SYNE2: variants seen among roughly 807,000 people sequenced by gnomAD.
SYNE2 encodes nesprin-2.
In SYNE2, 431 loss-of-function variants were observed where a neutral mutation model predicts 856.3. The observed-to-expected ratio is 0.50, with a 90% CI of 0.47 to 0.55. SYNE2 has a LOEUF of 0.55. Ranked by LOEUF, SYNE2 falls within the 20% of genes least tolerant of loss-of-function variation. The pLI, the probability that SYNE2 is intolerant of heterozygous loss-of-function variation, is 0.00. For missense variants in SYNE2, 8,129 were observed against 8,023.2 expected (o/e 1.01, Z -0.50); for synonymous variants, 2,923 against 2,872.3 (o/e 1.02, Z -0.56).
At chr14:63,879,165 CA>C (rs2140561709) in intron 1 of SYNE2, among the ~76,000 whole-genome samples, 1 of 152,334 alleles carries the variant, frequency 6.6e-6, no homozygotes, top group East Asian at 1.9e-4. Context: ...TGACCTACCC[CA>C]ACCTTGAGTT....
At chr14:63,772,783 CT>C (rs372359731) in intron 1 of SYNE2, among the ~76,000 whole-genome samples, 7 of 148,558 alleles carry the variant, frequency 4.7e-5, no homozygotes, top group African/African-American at 7.4e-5. Flanking sequence ...AGCTACATTA[CT>C]TTTTTTTTTG....
chr14:63,966,428 T>C (rs906206921), intron 10 of SYNE2, among the ~76,000 whole-genome samples: 5 of 151,032 alleles, frequency 3.3e-5, no homozygotes, highest in African/African-American at 1.2e-4. Flanking sequence ...AAGACTGAGG[T>C]GGGAGGTTCA....
At position 64,122,398 on chromosome 14, in the gene SYNE2, C is replaced by T. The variant is rs1268795201; in HGVS notation, c.13393C>T (p.Leu4465Phe). ...LHHELSSKIK[L>F]PLPQLVEPQV... is the part of the protein sequence containing the mutation. ...TCATGAACTCTCATCAAAAATAAAG[C>T]TCCCACTCCCTCAGCTTGTGGAGCC... The change falls in exon 70 of 116, where the codon CTC becomes TTC. Residue 4465 changes from leucine to phenylalanine, a missense_variant. This residue lies in a region of SYNE2 where 5,410 missense variants were observed against 5,284.8 expected (regional missense o/e 1.02). Transcript: ENST00000555002. The T allele has an allele frequency of 1.2e-6, 2 of 1,614,166 alleles. No homozygotes were observed. Among genetic ancestry groups the T allele is most frequent in the South Asian group, 1.1e-5 (1 of 91,080 alleles).
At chr14:64,180,660 C>T (rs578244511) in intron 96 of SYNE2, among the ~76,000 whole-genome samples, 1 of 152,104 alleles carries the variant, frequency 6.6e-6, no homozygotes, top group Non-Finnish European at 1.5e-5. Context: ...CCCGCCACCA[C>T]GCCCAGCTAA....
chr14:64,004,839 C>A (rs1161788168), intron 30 of SYNE2, among the ~76,000 whole-genome samples: 3 of 152,138 alleles, frequency 2.0e-5, no homozygotes, highest in Non-Finnish European at 4.4e-5. Flanking sequence ...TGCACCACTG[C>A]CCTCCATCCT....
chr14:64,117,812 T>A (rs975699198), intron 66 of SYNE2, among the ~76,000 whole-genome samples: 1 of 152,156 alleles, frequency 6.6e-6, no homozygotes, highest in Non-Finnish European at 1.5e-5. Context: ...CAACCTCTAC[T>A]AAGTAACTAA....
chr14:64,033,998 T>A (rs1011719395), intron 45 of SYNE2, among the ~76,000 whole-genome samples: 1 of 152,214 alleles, frequency 6.6e-6, no homozygotes, highest in Non-Finnish European at 1.5e-5. Context: ...GTATGTAATA[T>A]TAGAGTATGT....
intron 65 of SYNE2, among the ~76,000 whole-genome samples, chr14:64,108,596 T>C (rs2097786078): frequency 6.6e-6 from 1 of 152,202 alleles, no homozygotes; most frequent in Non-Finnish European, 1.5e-5. Context: ...ATGTTTTTGC[T>C]GTTTTTATTG....
chr14:64,181,679 A>T (rs558435286), intron 96 of SYNE2, among the ~76,000 whole-genome samples: 64 of 152,346 alleles, frequency 4.2e-4, no homozygotes, highest in African/African-American at 1.5e-3. Context: ...CACTTGACCA[A>T]TTTGAGCTTG....
chr14:63,925,967 C>A (rs1264993168), intron 2 of SYNE2, among the ~76,000 whole-genome samples: 1 of 152,024 alleles, frequency 6.6e-6, no homozygotes, highest in African/African-American at 2.4e-5. Flanking sequence ...GATCCTCCCA[C>A]CTCAGCCCCC....
At chr14:63,850,276 C>T (rs1278897510), upstream of SYNE2, among the ~76,000 whole-genome samples, 2 of 130,464 alleles carry the variant, frequency 1.5e-5, no homozygotes, top group Non-Finnish European at 3.2e-5. Context: ...TTAGTAGAGA[C>T]GGGGTTTCAC....
At chr14:63,883,097 C>T (rs746850726) in intron 1 of SYNE2, among the ~76,000 whole-genome samples, 47 of 151,708 alleles carry the variant, frequency 3.1e-4, no homozygotes, top group Non-Finnish European at 5.0e-4. Context: ...CTTGCTCTGT[C>T]GCCCAGGCTG....
At chr14:63,941,026 T>C (rs2153416517) in intron 3 of SYNE2, among the ~76,000 whole-genome samples, 1 of 152,360 alleles carries the variant, frequency 6.6e-6, no homozygotes, top group East Asian at 1.9e-4. Context: ...GTAATGATTA[T>C]GACAACTCCT....
intron 2 of SYNE2, among the ~76,000 whole-genome samples, chr14:63,918,634 A>G (rs1378250676): frequency 6.6e-6 from 1 of 152,152 alleles, no homozygotes; most frequent in Non-Finnish European, 1.5e-5. Flanking sequence ...TGGGAGGGAA[A>G]AGGCAGAAAG....
intron 90 of SYNE2, 108 bp downstream of exon 90, chr14:64,165,518 AT>A (rs772613295): frequency 0.048 from 45,918 of 963,876 alleles, no homozygotes; most frequent in East Asian, 0.06. Context: ...ACTCACTCTT[AT>A]TTTTTTTTTT....
At chr14:64,035,700 A>G (rs1226947388) in intron 45 of SYNE2, among the ~76,000 whole-genome samples, 1 of 151,780 alleles carries the variant, frequency 6.6e-6, no homozygotes, top group Admixed American at 6.6e-5. Flanking sequence ...TTTATTTTTT[A>G]TGAATTTTAG....
intron 65 of SYNE2, among the ~76,000 whole-genome samples, chr14:64,109,834 A>C (rs2097793617): frequency 6.6e-6 from 1 of 152,210 alleles, no homozygotes; most frequent in South Asian, 2.1e-4. Context: ...CCAGGCAGCC[A>C]ATGTCATCAG....
rs566319219 is a variant in SYNE2 at position 64,011,270 on chromosome 14, T to C, written c.4728+1154T>C. On this transcript the variant is annotated intron_variant, in intron 32 of 115. Coordinates refer to ENST00000555002, the MANE Select transcript of SYNE2 (RefSeq NM_182914.3). ...ATGTGACTGTGTAGCTGATTTCTTG[T>C]CAGACTTAATCAAAGTTGTCAAGAC... Among the ~76,000 whole-genome samples, 4 of 152,318 alleles carry C rather than the reference T, an allele frequency of 2.6e-5. No homozygotes were observed. The East Asian group carries it at 7.7e-4, about 29-fold the overall frequency.
intron 1 of SYNE2, among the ~76,000 whole-genome samples, chr14:63,871,383 T>C (rs1239556543): frequency 1.3e-5 from 2 of 151,984 alleles, no homozygotes; most frequent in African/African-American, 4.8e-5. Context: ...TTTTTTTGTA[T>C]TTTTAGTAGA....
Sources: gnomAD v4.1 joint callset for allele counts (sites outside exome capture counted in the v4.1 genomes callset) on GRCh38, gnomAD v4.1.1 for gene constraint, gnomAD v4.1.1 regional missense constraint, MANE v1.5 for transcripts, NCBI Gene and HGNC (gene_info 2026-07-23, HGNC 2026-07-21) for gene names.